The following COL23A1 variants were observed in gnomAD, a reference collection of about 807,000 sequenced individuals.
COL23A1 encodes the protein collagen type XXIII alpha 1 chain.
COL23A1 carries 97 observed loss-of-function variants against 99.3 expected under a neutral mutation model. The observed-to-expected ratio is 0.98, with a 90% CI of 0.83 to 1.16. COL23A1 has a LOEUF of 1.16. COL23A1 is among the 50% of genes most tolerant of loss of function. The probability of loss-of-function intolerance (pLI) is 0.00; values close to 1 mark genes in which losing one functional copy is unlikely to be tolerated. For synonymous variants in COL23A1, 320 were observed against 308.2 expected (o/e 1.04, Z -0.40); for missense variants, 762 against 757.4 (o/e 1.01, Z -0.07).
intron 5 of COL23A1, among the ~76,000 whole-genome samples, chr5:178,278,663 G>A (rs1043743451): frequency 6.6e-6 from 1 of 152,112 alleles, no homozygotes; most frequent in African/African-American, 2.4e-5. Flanking sequence ...GCCAGCCTCC[G>A]CCAGGCCCCC....
At chr5:178,335,959 T>C (rs1760293733) in intron 2 of COL23A1, among the ~76,000 whole-genome samples, 1 of 152,224 alleles carries the variant, frequency 6.6e-6, no homozygotes, top group African/African-American at 2.4e-5. Flanking sequence ...CACCAGCTTT[T>C]AGGTGGCTAT....
chr5:178,581,443 G>C (rs1763653315), intron 1 of COL23A1, among the ~76,000 whole-genome samples: 1 of 151,972 alleles, frequency 6.6e-6, no homozygotes, highest in African/African-American at 2.4e-5. Flanking sequence ...GCACACACCT[G>C]TAATCCCAGC....
chr5:178,504,336 G>A (rs1304727375), intron 2 of COL23A1, among the ~76,000 whole-genome samples: 1 of 152,198 alleles, frequency 6.6e-6, no homozygotes, highest in Non-Finnish European at 1.5e-5. Flanking sequence ...GCCTTCCCTT[G>A]GTGAGAGGGT....
At chr5:178,293,236 G>T (rs76980921) in intron 3 of COL23A1, among the ~76,000 whole-genome samples, 20,776 of 151,998 alleles carry the variant, frequency 0.14, 1,905 homozygotes, top group East Asian at 0.44. Flanking sequence ...GATTCGGTGT[G>T]GGGGAGGAGG....
intron 2 of COL23A1, among the ~76,000 whole-genome samples, chr5:178,393,072 G>T (rs1442880986): frequency 6.6e-6 from 1 of 152,228 alleles, no homozygotes; most frequent in African/African-American, 2.4e-5. Context: ...AGCAGCTCAA[G>T]CTCAGGCCTT....
intron 2 of COL23A1, among the ~76,000 whole-genome samples, chr5:178,547,963 T>C (rs1222159430): frequency 2.1e-4 from 4 of 19,504 alleles, no homozygotes. Flanking sequence ...CCCACACACC[T>C]ACACCCACAT....
chr5:178,261,262 A>C (rs1023669978), intron 11 of COL23A1, among the ~76,000 whole-genome samples: 1 of 151,938 alleles, frequency 6.6e-6, no homozygotes, highest in Non-Finnish European at 1.5e-5. Context: ...AAAATACAAA[A>C]AATTAGCTGG....
intron 2 of COL23A1, among the ~76,000 whole-genome samples, chr5:178,321,128 A>T (rs1759278282): frequency 6.6e-6 from 1 of 152,218 alleles, no homozygotes; most frequent in South Asian, 2.1e-4. Context: ...TTCTGTAAAA[A>T]CTGTGGTAGA....
chr5:178,515,111 A>G (rs1216769813), intron 2 of COL23A1, among the ~76,000 whole-genome samples: 2 of 152,246 alleles, frequency 1.3e-5, no homozygotes, highest in African/African-American at 4.8e-5. Flanking sequence ...TCTGGGAGGC[A>G]GCTGAGCTGC....
At chr5:178,256,624 G>T (rs962083498) in intron 14 of COL23A1, among the ~76,000 whole-genome samples, 15 of 152,210 alleles carry the variant, frequency 9.9e-5, no homozygotes, top group African/African-American at 3.6e-4. Context: ...TGGTGTCCAG[G>T]AGCCTGAGGC....
At chr5:178,539,561 A>G (rs1240734860) in intron 2 of COL23A1, among the ~76,000 whole-genome samples, 4 of 151,286 alleles carry the variant, frequency 2.6e-5, no homozygotes, top group African/African-American at 4.8e-5. Flanking sequence ...AAAAAAAAAA[A>G]AAAAAAAGAA....
Position 178,540,520 on chromosome 5 carries a change from G to C in COL23A1, c.361+20162C>G, listed in dbSNP as rs955792247. Among the ~76,000 whole-genome samples the C allele has an allele frequency of 1.4e-4, 21 of 152,102 alleles. 1 individual carries two copies. Among genetic ancestry groups the C allele is most frequent in the Non-Finnish European group, 1.5e-5 (1 of 68,020 alleles). ...AACATTATCAAACAAAATTAAAGAA[G>C]ACTCAAATACATGGAGAGAGATACC... is the stretch of plus-strand genomic sequence containing the variant. On this transcript the variant is annotated intron_variant, in intron 2 of 28. Coordinates refer to ENST00000390654, the MANE Select transcript of COL23A1 (RefSeq NM_173465.4).
intron 2 of COL23A1, among the ~76,000 whole-genome samples, chr5:178,327,155 G>T (rs1218412054): frequency 6.6e-6 from 1 of 152,136 alleles, no homozygotes; most frequent in Admixed American, 6.5e-5. Context: ...TTTCTGACCA[G>T]CCATCCATCA....
intron 5 of COL23A1, among the ~76,000 whole-genome samples, chr5:178,287,059 G>A (rs577639149): frequency 2.0e-5 from 3 of 152,228 alleles, no homozygotes; most frequent in East Asian, 1.9e-4. Context: ...ACTTTCCAGC[G>A]AAAGCCTGTG....
At chr5:178,424,309 G>A (rs1419065907) in intron 2 of COL23A1, among the ~76,000 whole-genome samples, 5 of 152,222 alleles carry the variant, frequency 3.3e-5, no homozygotes, top group South Asian at 2.1e-4. Flanking sequence ...CATCTTCGCC[G>A]CATTGGGCAT....
chr5:178,312,101 T>G (rs1439960984), intron 2 of COL23A1, among the ~76,000 whole-genome samples: 1 of 152,142 alleles, frequency 6.6e-6, no homozygotes, highest in Non-Finnish European at 1.5e-5. Flanking sequence ...TCAGCAACAC[T>G]GCAGGCAGGT....
Position 178,462,543 on chromosome 5 carries a change from T to C in COL23A1, c.361+98139A>G, listed in dbSNP as rs1756178600. ...GTTAAGAGCTTCGAGTTTCTATAAATCACCCCCATTGAGTAATCCCCAAAT... is the reference window on the plus strand; with the variant it reads ...GTTAAGAGCTTCGAGTTTCTATAAACCACCCCCATTGAGTAATCCCCAAAT... On this transcript the variant is annotated intron_variant, in intron 2 of 28. Transcript: ENST00000390654. Among the ~76,000 whole-genome samples the C allele has an allele frequency of 2.0e-5, 3 of 152,182 alleles. No individual in the cohort carries two copies. The South Asian group carries it at 6.2e-4, about 32-fold the overall frequency.
chr5:178,317,146 T>C (rs570707131), intron 2 of COL23A1, among the ~76,000 whole-genome samples: 41 of 152,228 alleles, frequency 2.7e-4, no homozygotes, highest in Non-Finnish European at 4.7e-4. Context: ...ATCCACATGC[T>C]AGAGTTTGTG....
At chr5:178,437,592 A>G (rs956454473) in intron 2 of COL23A1, among the ~76,000 whole-genome samples, 3 of 152,188 alleles carry the variant, frequency 2.0e-5, no homozygotes, top group Non-Finnish European at 4.4e-5. Context: ...CCCAGGGGTC[A>G]GTCCAGCCTC....
Sources: allele counts gnomAD v4.1 joint callset (sites outside exome capture counted in the v4.1 genomes callset), GRCh38; gene constraint gnomAD v4.1.1; transcripts MANE v1.5; gene names NCBI Gene and HGNC (gene_info 2026-07-23, HGNC 2026-07-21).